Variants in ODAD3 observed in about 807,000 individuals in gnomAD.
ODAD3 encodes outer dynein arm docking complex subunit 3.
Under a neutral mutation model 70.9 loss-of-function variants are expected in ODAD3, and 57 were observed. The observed-to-expected ratio is 0.80, with a 90% CI of 0.65 to 1.00. The LOEUF is 1.00. Among genes scored for constraint, ODAD3 ranks in the 50% least tolerant of loss-of-function variants. The pLI, the probability that ODAD3 is intolerant of heterozygous loss-of-function variation, is 0.00. For synonymous variants in ODAD3, 327 were observed against 315.9 expected (o/e 1.04, Z -0.37); for missense variants, 797 against 763.9 (o/e 1.04, Z -0.51).
chr19:11,424,990 CATATGTGTATATGTAT>C lies in ODAD3; in HGVS notation c.964-977_964-962del, dbSNP rs1173756134. Among the ~76,000 whole-genome samples, 167 of 98,068 alleles carry C rather than the reference CATATGTGTATATGTAT, an allele frequency of 1.7e-3. 32 individuals are homozygous for C. The highest frequency in any genetic ancestry group is 7.1e-3 in the African/African-American group (143 of 20,174). The allele number at this position is 98,068 out of a possible 152,430, so 64.3% of individuals were successfully genotyped here. ...ATATATGTATATATGTGTATATGTACATATGTGTATATGTATATATGTGTATATATACATATGTGCA... is the reference window on the plus strand; with the variant it reads ...ATATATGTATATATGTGTATATGTACATATGTGTATATATACATATGTGCA... On this transcript the variant is annotated intron_variant, in intron 7 of 12. Transcript: ENST00000356392.
chr19:11,425,088 CATATGTGT>C (rs1330599507), intron 7 of ODAD3, among the ~76,000 whole-genome samples: 1 of 121,818 alleles, frequency 8.2e-6, no homozygotes, highest in Non-Finnish European at 1.6e-5. Context: ...TGTATATGTA[CATATGTGT>C]ATATATGTAT....
chr19:11,425,014 TATATATACATATGTGC>T (rs1421434196), intron 7 of ODAD3, among the ~76,000 whole-genome samples: 21 of 132,896 alleles, frequency 1.6e-4, no homozygotes, highest in East Asian at 7.3e-4. Flanking sequence ...TATATATGTG[TATATATACATATGTGC>T]ATATATACAT....
rs114599707 is a variant in ODAD3 at position 11,425,699 on chromosome 19, C to G, written c.963+445G>C. On this transcript the variant is annotated intron_variant, in intron 7 of 12. Transcript: ENST00000356392. Reference sequence around the variant, plus strand: ...AAAAAAACCTATCAAACAACAACTACAACAACAACAACCCAAAAAACAAAA... The same window carrying G: ...AAAAAAACCTATCAAACAACAACTAGAACAACAACAACCCAAAAAACAAAA... Among the ~76,000 whole-genome samples, 42 of 133,384 alleles carry G rather than the reference C, an allele frequency of 3.1e-4. 5 individuals carry two copies. The highest frequency in any genetic ancestry group is 1.5e-3 in the African/African-American group (41 of 26,584). 87.5% of individuals were successfully genotyped at this position (133,384 alleles called of 152,430 possible).
intron 10 of ODAD3, 146 bp from the exon 11 acceptor site, chr19:11,421,978 C>T: frequency 2.4e-6 from 2 of 849,498 alleles, no homozygotes; most frequent in East Asian, 2.6e-5. Context: ...GGGGCGGGGA[C>T]TTAGGTCAAG....
intron 1 of ODAD3, among the ~76,000 whole-genome samples, chr19:11,432,799 CTTTTT>C (rs909160129): frequency 6.9e-6 from 1 of 145,890 alleles, no homozygotes; most frequent in African/African-American, 2.5e-5. Context: ...CAAGATTACC[CTTTTT>C]TTTTTTTAAG....
intron 1 of ODAD3, among the ~76,000 whole-genome samples, chr19:11,432,371 C>T (rs1410217413): frequency 6.6e-6 from 1 of 152,100 alleles, no homozygotes; most frequent in Non-Finnish European, 1.5e-5. Context: ...GCCTCAGCCT[C>T]CCAAGTAGCT....
Position 11,426,740 on chromosome 19 carries a change from C to T in ODAD3, c.657G>A (p.Lys219=). The T allele has an allele frequency of 1.2e-6, 2 of 1,613,954 alleles. No individual in the cohort carries two copies. Among genetic ancestry groups the T allele is most frequent in the Non-Finnish European group, 1.7e-6 (2 of 1,179,902 alleles). The change falls in exon 5 of 13, where the codon AAG becomes AAA. Residue 219 remains lysine, a synonymous_variant. Transcript: ENST00000356392. ...TGGTAATGTGCTCGGCCTCCTGCGC[C>T]TTCATCTGGGCCTTCTCCAGGCGGT... is the stretch of plus-strand genomic sequence containing the variant. ...LENRLEKAQM[K]AQEAEHITSV... is the part of the protein sequence containing the mutation.
At chr19:11,428,458 G>A (rs185994228) in intron 3 of ODAD3, among the ~76,000 whole-genome samples, 4 of 152,278 alleles carry the variant, frequency 2.6e-5, no homozygotes, top group Non-Finnish European at 5.9e-5. Context: ...GCCCAGGCTG[G>A]TCATGAACTT....
In ODAD3 at chr19:11,423,890, G is replaced by T. The variant is rs752582903; in HGVS notation, c.1103C>A (p.Thr368Asn). 1 of 1,612,132 alleles carries T rather than the reference G, an allele frequency of 6.2e-7. No individual in the cohort carries two copies. Among genetic ancestry groups the T allele is most frequent in the East Asian group, 2.2e-5 (1 of 44,840 alleles). ...IFGKVKDATG[T>N]DETHSLVRRF... ...GGCAGAACTCACGTGCGTCTCGTCA[G>T]TGCCAGTGGCGTCCTTGACCTTGCC... is the stretch of plus-strand genomic sequence containing the variant. The change falls in exon 8 of 13, where the codon ACT (threonine) becomes AAT (asparagine). Residue 368 changes from threonine to asparagine, a missense_variant. By Grantham distance (65) the Thr-to-Asn change is moderately conservative. Coordinates refer to ENST00000356392, the MANE Select transcript of ODAD3 (RefSeq NM_145045.5).
chr19:11,432,444 C>A (rs1969522644), intron 1 of ODAD3, among the ~76,000 whole-genome samples: 1 of 152,044 alleles, frequency 6.6e-6, no homozygotes, highest in South Asian at 2.1e-4. Flanking sequence ...AAGGATCTCA[C>A]TATGTTGCCC....
chr19:11,423,661 G>C (rs1969193468), intron 8 of ODAD3, among the ~76,000 whole-genome samples: 1 of 152,148 alleles, frequency 6.6e-6, no homozygotes, highest in South Asian at 2.1e-4. Flanking sequence ...AGTGTAGACA[G>C]CTCCTAGGGG....
rs1352132570 is a variant in ODAD3, at chr19:11,422,371, C to G, written c.1434+100G>C. The G allele has an allele frequency of 7.2e-7, 1 of 1,389,530 alleles. No individual in the cohort carries two copies. The highest frequency in any genetic ancestry group is 1.5e-5 in the African/African-American group (1 of 68,742). The allele number at this position is 1,389,530 out of a possible 1,614,324, so 86.1% of individuals were successfully genotyped here. On this transcript the variant is annotated intron_variant, in intron 10 of 12. Coordinates refer to ENST00000356392, the MANE Select transcript of ODAD3 (RefSeq NM_145045.5). This position sits in a 1 kb window ranked among gnomAD's most constrained non-coding sequence, Gnocchi z 4.6. ...CCGGGACAGAGGATGTGGCAGGCCACGTTCCCTCGGGCAAGCTGGTGTGGC... is the reference window on the plus strand; with the variant it reads ...CCGGGACAGAGGATGTGGCAGGCCAGGTTCCCTCGGGCAAGCTGGTGTGGC...
rs1969151090 is a variant in ODAD3, at chr19:11,422,124, G to A, written c.1435-292C>T. Among the ~76,000 whole-genome samples, 2 of 152,226 alleles carry A rather than the reference G, an allele frequency of 1.3e-5. No individual in the cohort carries two copies. Among genetic ancestry groups the A allele is most frequent in the Non-Finnish European group, 2.9e-5 (2 of 68,022 alleles). ...CTGAAGAAATGGCCCTCTGCTGCGG[G>A]CAGGATAGGTCTTCTGTCTCGGGCT... On this transcript the variant is annotated intron_variant, in intron 10 of 12. Transcript: ENST00000356392. This position sits in a 1 kb window ranked among gnomAD's most constrained non-coding sequence, Gnocchi z 4.6.
chr19:11,423,978 G>C lies in ODAD3; in HGVS notation c.1015C>G (p.Leu339Val). 1 of 1,612,988 alleles carries C rather than the reference G, an allele frequency of 6.2e-7. No homozygotes were observed. The highest frequency in any genetic ancestry group is 8.5e-7 in the Non-Finnish European group (1 of 1,179,974). ...CGCAGCTCCTCCTCCTTGGCATGCA[G>C]GCTGTCCTGGATGGTGTCGTCGGAC... ...LQSDDTIQDS[L>V]HAKEEELRQR... Residue 339 changes from leucine to valine, a missense_variant, in exon 8 of 13, where the codon CTG becomes GTG. Coordinates refer to ENST00000356392, the MANE Select transcript of ODAD3 (RefSeq NM_145045.5).
intron 7 of ODAD3, among the ~76,000 whole-genome samples, 157 bp downstream of exon 7, chr19:11,425,987 A>G (rs1009751899): frequency 1.7e-5 from 1 of 59,594 alleles, no homozygotes; most frequent in Non-Finnish European, 3.3e-5. Context: ...GGGATGTGGG[A>G]GGGGTCTTCG....
chr19:11,435,700 G>C (rs867672439), upstream of ODAD3: 2 of 1,315,960 alleles, frequency 1.5e-6, no homozygotes, highest in African/African-American at 3.0e-5. Flanking sequence ...CTTTGCTCCG[G>C]CCTCGTGTAG....
intron 7 of ODAD3, among the ~76,000 whole-genome samples, chr19:11,425,319 G>GTATATGTACATATGTGTA: frequency 7.5e-6 from 1 of 133,444 alleles, no homozygotes; most frequent in East Asian, 2.2e-4. Flanking sequence ...GTACATATGT[G>GTATATGTACATATGTGTA]TATATGTACA....
intron 7 of ODAD3, among the ~76,000 whole-genome samples, chr19:11,425,691 AACAACT>A (rs1969353786): frequency 7.2e-6 from 1 of 138,062 alleles, no homozygotes; most frequent in African/African-American, 3.3e-5. Context: ...CCTATCAAAC[AACAACT>A]ACAACAACAA....
At chr19:11,425,001 A>ATACATATG (rs1969255184) in intron 7 of ODAD3, among the ~76,000 whole-genome samples, 1 of 133,344 alleles carries the variant, frequency 7.5e-6, no homozygotes, top group Non-Finnish European at 1.5e-5. Flanking sequence ...ATATGTGTAT[A>ATACATATG]TGTATATATG....
Sources: allele counts gnomAD v4.1 joint callset (sites outside exome capture counted in the v4.1 genomes callset), GRCh38; gene constraint gnomAD v4.1.1; non-coding constraint Gnocchi (gnomAD v3.1); transcripts MANE v1.5; gene names NCBI Gene and HGNC (gene_info 2026-07-23, HGNC 2026-07-21).